NCOR1: variants seen among roughly 807,000 people sequenced by gnomAD.
NCOR1 encodes the protein protein phosphatase 1, regulatory subunit 109.
A neutral mutation model predicts 288.1 loss-of-function variants in NCOR1; 63 were observed. The ratio of observed to expected loss-of-function variants is 0.22; its 90% CI spans 0.18 to 0.27. The LOEUF is 0.27. Ranked by LOEUF, NCOR1 falls within the 10% of genes least tolerant of loss-of-function variation. The pLI, the probability that NCOR1 is intolerant of heterozygous loss-of-function variation, is 1.00. For missense variants in NCOR1, 2,397 were observed against 3,019.2 expected (o/e 0.79, Z 4.83); for synonymous variants, 1,007 against 1,065.9 (o/e 0.94, Z 1.08).
At chr17:16,165,653 A>G (rs62072483) in intron 4 of NCOR1, among the ~76,000 whole-genome samples, 1 of 152,228 alleles carries the variant, frequency 6.6e-6, no homozygotes, top group Non-Finnish European at 1.5e-5. Flanking sequence ...TGAGGTACAC[A>G]AGTCAGAGAA....
At chr17:16,191,428 C>G (rs757884481) in intron 2 of NCOR1, among the ~76,000 whole-genome samples, 2 of 151,994 alleles carry the variant, frequency 1.3e-5, no homozygotes, top group Non-Finnish European at 2.9e-5. Context: ...ATAACAAAGG[C>G]CAGCAGTAAA....
Position 16,061,445 on chromosome 17 carries a change from T to A in NCOR1, c.5837A>T (p.Asp1946Val). The A allele has an allele frequency of 6.2e-7, 1 of 1,614,230 alleles. No individual in the cohort carries two copies. Among genetic ancestry groups the A allele is most frequent in the Non-Finnish European group, 8.5e-7 (1 of 1,180,052 alleles). Residue 1946 changes from aspartate to valine, a missense_variant, in exon 37 of 46, where the codon GAT becomes GTT. Asp to Val is a radical substitution (Grantham distance 152). Coordinates refer to ENST00000268712, the MANE Select transcript of NCOR1 (RefSeq NM_006311.4). ...IITRQIASDK[D>V]ARERGSQSSD... is the part of the protein sequence containing the mutation. ...ACTTTGAGAGCCACGTTCCCTCGCA[T>A]CCTTGTCCGAGGCAATTTGCCGGGT...
intron 14 of NCOR1, among the ~76,000 whole-genome samples, chr17:16,130,979 G>A (rs1474840573): frequency 2.8e-5 from 4 of 142,778 alleles, no homozygotes; most frequent in Non-Finnish European, 3.0e-5. Flanking sequence ...ATAAGCCACC[G>A]CACCTGGAAT....
chr17:16,193,802 C>T (rs984147714), intron 2 of NCOR1, among the ~76,000 whole-genome samples: 1 of 152,124 alleles, frequency 6.6e-6, no homozygotes, highest in African/African-American at 2.4e-5. Context: ...ATCATGACTG[C>T]ACTTCAAAGG....
At chr17:16,083,310 G>A (rs1423690415) in intron 23 of NCOR1, among the ~76,000 whole-genome samples, 2 of 151,424 alleles carry the variant, frequency 1.3e-5, no homozygotes, top group African/African-American at 4.9e-5. Context: ...AGGAGTTGGA[G>A]GCTACAGTGA....
chr17:16,175,808 C>A lies in NCOR1; in HGVS notation c.243-3813G>T, dbSNP rs1284809035. 3.3e-5 allele frequency among the ~76,000 whole-genome samples: 5 copies of A among 150,596 alleles called. No individual in the cohort carries two copies. The Admixed American group carries it at 3.3e-4, about 10-fold the overall frequency. On this transcript the variant is annotated intron_variant, in intron 3 of 45. Coordinates refer to ENST00000268712, the MANE Select transcript of NCOR1 (RefSeq NM_006311.4). ...CTGAGGCAGGAGGATCACTTGAACC[C>A]AGGAGTTTAGAGACTTTGTCTCTTT...
Position 16,065,472 on chromosome 17 carries a change from C to T in NCOR1, c.4951+13G>A. ...AATAAATTCTACGAAATCTGAAATG[C>T]AAAGACACACACCTCTCGTTGCTGG... On this transcript the variant is annotated intron_variant, in intron 33 of 45. Coordinates refer to ENST00000268712, the MANE Select transcript of NCOR1 (RefSeq NM_006311.4). 6.2e-7 allele frequency: 1 copy of T among 1,613,312 alleles called. No homozygotes were observed. The highest frequency in any genetic ancestry group is 1.3e-5 in the African/African-American group (1 of 75,018).
At chr17:16,190,647 C>T (rs1285224789) in intron 2 of NCOR1, among the ~76,000 whole-genome samples, 1 of 151,970 alleles carries the variant, frequency 6.6e-6, no homozygotes, top group Non-Finnish European at 1.5e-5. Context: ...AGCCAACACT[C>T]CCTGAAAGAA....
At chr17:16,044,304 G>C (rs2058284803) in intron 42 of NCOR1, 1 of 446,250 alleles carries the variant, frequency 2.2e-6, no homozygotes, top group Non-Finnish European at 4.6e-6. Flanking sequence ...GCGAGGACAA[G>C]TTCAGAAACA....
Position 16,065,564 on chromosome 17 carries a change from T to G in NCOR1, c.4872A>C (p.Gln1624His). The G allele has an allele frequency of 1.2e-6, 2 of 1,614,246 alleles. No individual in the cohort carries two copies. Among genetic ancestry groups the G allele is most frequent in the Non-Finnish European group, 8.5e-7 (1 of 1,180,052 alleles). Residue 1624 changes from glutamine (Q) to histidine (H), a missense_variant, in exon 33 of 46, where the codon CAA becomes CAC. Gln to His is a conservative substitution (Grantham distance 24). Around this residue, in one of 11 missense-constraint regions of NCOR1, gnomAD observed 1,872 missense variants for 2,187.8 expected, o/e 0.86. Coordinates refer to ENST00000268712, the MANE Select transcript of NCOR1 (RefSeq NM_006311.4). ...LNDYITSQQM[Q>H]VNLRPDVARG... Reference sequence around the variant, plus strand: ...TGGCCACATCTGGACGCAAGTTCACTTGCATCTGTTGTGAGGTAATGTAAT... The same window carrying G: ...TGGCCACATCTGGACGCAAGTTCACGTGCATCTGTTGTGAGGTAATGTAAT...
At chr17:16,039,326 G>T in intron 44 of NCOR1, 107 bp downstream of exon 44, 1 of 1,078,142 alleles carries the variant, frequency 9.3e-7, no homozygotes, top group Non-Finnish European at 1.3e-6. Flanking sequence ...GTGACTCTGA[G>T]CACATAAAGA....
In NCOR1 at chr17:16,119,413, T is replaced by C. The variant is rs753828984; in HGVS notation, c.1915+10A>G. 1 of 1,600,694 alleles carries C rather than the reference T, an allele frequency of 6.2e-7. No homozygotes were observed. The highest frequency in any genetic ancestry group is 8.5e-7 in the Non-Finnish European group (1 of 1,170,020). On this transcript the variant is annotated intron_variant, in intron 17 of 45. Coordinates refer to ENST00000268712, the MANE Select transcript of NCOR1 (RefSeq NM_006311.4). Reference sequence around the variant, plus strand: ...CAAAAACCTGAGAAACCAGAACTACTACAATTTACCTTTTTTAGCAACTTC... The same window carrying C: ...CAAAAACCTGAGAAACCAGAACTACCACAATTTACCTTTTTTAGCAACTTC...
intron 19 of NCOR1, among the ~76,000 whole-genome samples, chr17:16,107,155 C>A (rs1355780924): frequency 3.3e-5 from 5 of 151,806 alleles, no homozygotes; most frequent in African/African-American, 4.8e-5. Flanking sequence ...TGGGCCTCCC[C>A]AAGTGTTGGG....
chr17:16,127,367 A>ATGTGTATATG (rs1402126078), intron 14 of NCOR1, among the ~76,000 whole-genome samples: 2 of 111,784 alleles, frequency 1.8e-5, no homozygotes, highest in Non-Finnish European at 3.5e-5. Context: ...GTATATATAC[A>ATGTGTATATG]TGTATGTATA....
chr17:16,126,012 A>G (rs1350906674), intron 15 of NCOR1, 70 bp downstream of exon 15: 7 of 822,226 alleles, frequency 8.5e-6, no homozygotes, highest in Non-Finnish European at 1.2e-5. Context: ...TGTACTCCCT[A>G]TATCTACAAA....
intron 40 of NCOR1, among the ~76,000 whole-genome samples, chr17:16,051,019 T>C (rs1173075913): frequency 1.3e-5 from 2 of 151,986 alleles, no homozygotes; most frequent in Non-Finnish European, 1.5e-5. Flanking sequence ...TTAGTTTTTT[T>C]GTGGAGATGG....
At chr17:16,194,389 C>T in intron 2 of NCOR1, 73 bp downstream of exon 2, 1 of 949,998 alleles carries the variant, frequency 1.1e-6, no homozygotes, top group Non-Finnish European at 1.6e-6. Flanking sequence ...TTCTGTCCCA[C>T]ATGTGTATTA....
At chr17:16,068,575 C>T (rs975222854) in intron 31 of NCOR1, among the ~76,000 whole-genome samples, 10 of 152,202 alleles carry the variant, frequency 6.6e-5, no homozygotes, top group Non-Finnish European at 1.3e-4. Context: ...TCTGTTCTTC[C>T]ACAATGACTT....
chr17:16,173,488 A>G (rs2083487956), intron 3 of NCOR1, among the ~76,000 whole-genome samples: 1 of 152,168 alleles, frequency 6.6e-6, no homozygotes, highest in East Asian at 1.9e-4. Flanking sequence ...ACATGATTCC[A>G]TATGTGGCAC....
Sources: allele counts gnomAD v4.1 joint callset (sites outside exome capture counted in the v4.1 genomes callset), GRCh38; gene constraint gnomAD v4.1.1; regional missense constraint gnomAD v4.1.1; transcripts MANE v1.5; gene names NCBI Gene and HGNC (gene_info 2026-07-23, HGNC 2026-07-21).